Variants in NRXN3 observed in about 807,000 individuals in gnomAD.
NRXN3 encodes neurexin 3.
A neutral mutation model predicts 137.6 loss-of-function variants in NRXN3; 32 were observed. That is an observed-to-expected ratio of 0.23 (90% CI 0.18 to 0.31). The LOEUF (loss-of-function observed/expected upper bound fraction) is 0.31. Ranked by LOEUF, NRXN3 falls within the 10% of genes least tolerant of loss-of-function variation. The pLI is 1.00. For synonymous variants in NRXN3, 798 were observed against 784.5 expected, an observed-to-expected ratio of 1.02 and a Z score of -0.29; for missense variants, 1,574 against 2,062.5, an observed-to-expected ratio of 0.76 and a Z score of 4.59.
chr14:79,583,525 G>GGAAGCCCCTACA (rs2097736898), intron 16 of NRXN3, among the ~76,000 whole-genome samples: 1 of 151,944 alleles, frequency 6.6e-6, no homozygotes, highest in African/African-American at 2.4e-5. Flanking sequence ...AAGGTAAGAA[G>GGAAGCCCCTACA]TGTGCTTTTG....
chr14:79,824,695 C>T (rs187684838), intron 20 of NRXN3, among the ~76,000 whole-genome samples: 19 of 152,224 alleles, frequency 1.2e-4, no homozygotes, highest in Admixed American at 5.9e-4. Flanking sequence ...GATTTCCTCA[C>T]GTATATTTAA....
rs373108926 is a variant in NRXN3, at chr14:79,518,617, C to A, written c.3444+51215C>A. On this transcript the variant is annotated intron_variant, in intron 16 of 20. Coordinates refer to ENST00000335750, the MANE Select transcript of NRXN3 (RefSeq NM_001330195.2). ...TAATAGTAATCATTTTCAGTTGTTT[C>A]TTCTGAGAACTCCAGGTGCTCAGTC... 1.2e-4 allele frequency among the ~76,000 whole-genome samples: 18 copies of A among 152,198 alleles called. No individual in the cohort carries two copies. The East Asian group carries it at 1.5e-3, about 13-fold the overall frequency.
intron 4 of NRXN3, among the ~76,000 whole-genome samples, chr14:78,568,297 A>C (rs1173747245): frequency 6.6e-6 from 1 of 152,138 alleles, no homozygotes; most frequent in African/African-American, 2.4e-5. Context: ...GAGCTTGTTC[A>C]CCCCTTCCAC....
intron 20 of NRXN3, among the ~76,000 whole-genome samples, chr14:79,823,489 T>C (rs1367010014): frequency 6.6e-6 from 1 of 152,074 alleles, no homozygotes; most frequent in African/African-American, 2.4e-5. Flanking sequence ...GGTGGGAGGA[T>C]TGCTTGAGCC....
chr14:79,016,322 T>A (rs1392710510), intron 15 of NRXN3, among the ~76,000 whole-genome samples: 1 of 152,182 alleles, frequency 6.6e-6, no homozygotes, highest in Non-Finnish European at 1.5e-5. Flanking sequence ...AAATCTCCCT[T>A]AAGTCTTAGG....
At chr14:79,436,384 A>G (rs1320512323) in intron 15 of NRXN3, among the ~76,000 whole-genome samples, 1 of 152,190 alleles carries the variant, frequency 6.6e-6, no homozygotes, top group Non-Finnish European at 1.5e-5. Flanking sequence ...TCAGCAGTCC[A>G]CAATGACATA....
intron 4 of NRXN3, among the ~76,000 whole-genome samples, chr14:78,597,511 A>G (rs1287434754): frequency 2.0e-5 from 3 of 152,160 alleles, no homozygotes; most frequent in Non-Finnish European, 4.4e-5. Flanking sequence ...TTCATGGGGT[A>G]CAGGAAAGAA....
At position 79,773,009 on chromosome 14, in the gene NRXN3, C is replaced by CA. The variant is rs941136200; in HGVS notation, c.4015-32097dup. On this transcript the variant is annotated intron_variant, in intron 19 of 20. Coordinates refer to ENST00000335750, the MANE Select transcript of NRXN3 (RefSeq NM_001330195.2). ...TCTCAAAAGAAGACATTTATGCAGCCAAAAAACACATGAAAAAATGCTCAC... is the reference window on the plus strand; with the variant it reads ...TCTCAAAAGAAGACATTTATGCAGCCAAAAAAACACATGAAAAAATGCTCAC... 3.3e-5 allele frequency among the ~76,000 whole-genome samples: 5 copies of CA among 151,898 alleles called. No homozygotes were observed. In the East Asian group the frequency reaches 7.7e-4, roughly 23 times the overall value.
chr14:79,565,311 A>G (rs930725266), intron 16 of NRXN3, among the ~76,000 whole-genome samples: 2 of 127,106 alleles, frequency 1.6e-5, no homozygotes, highest in Admixed American at 8.0e-5. Context: ...ATACATATAC[A>G]CACACATGTG....
intron 5 of NRXN3, 87 bp from the exon 6 acceptor site, chr14:78,651,078 A>G (rs771173017): frequency 2.5e-6 from 3 of 1,214,016 alleles, no homozygotes; most frequent in African/African-American, 1.5e-5. Flanking sequence ...AATGAAAGTG[A>G]TGCCACAAGT....
rs537656967 is a variant in NRXN3, at chr14:79,280,631, T to A, written c.3263-186590T>A. 4.6e-4 allele frequency: 561 copies of A among 1,229,976 alleles called. 4 individuals carry two copies. The highest frequency in any genetic ancestry group is 4.5e-3 in the African/African-American group (299 of 66,106). The allele number at this position is 1,229,976 out of a possible 1,614,324, so 76.2% of individuals were successfully genotyped here. ...TAGTGTCAAAGGTGGGAAGGGAATT[T>A]AAAAAAAATGAATTTAAAATGATGA... On this transcript the variant is annotated intron_variant, in intron 15 of 20. Transcript: ENST00000335750.
intron 19 of NRXN3, among the ~76,000 whole-genome samples, chr14:79,786,135 C>T (rs1319719585): frequency 1.3e-5 from 2 of 152,154 alleles, no homozygotes; most frequent in African/African-American, 4.8e-5. Context: ...TTATATTACC[C>T]TTGCTAGTAT....
intron 16 of NRXN3, among the ~76,000 whole-genome samples, chr14:79,640,060 G>A (rs1391571987): frequency 1.5e-5 from 2 of 135,850 alleles, no homozygotes; most frequent in East Asian, 2.0e-4. Flanking sequence ...GGAGTAGAAA[G>A]CAAAGAGCAA....
chr14:79,459,980 G>A (rs1333623583), intron 15 of NRXN3, among the ~76,000 whole-genome samples: 2 of 152,008 alleles, frequency 1.3e-5, no homozygotes, highest in Non-Finnish European at 2.9e-5. Flanking sequence ...AATTTGATGA[G>A]TAAAAATGAC....
intron 15 of NRXN3, among the ~76,000 whole-genome samples, chr14:79,360,643 TTTTA>T (rs1428608052): frequency 1.3e-5 from 2 of 152,156 alleles, no homozygotes; most frequent in Admixed American, 6.5e-5. Flanking sequence ...CTCATGGAGT[TTTTA>T]TTTATTTATT....
chr14:79,686,964 C>T (rs190774950), intron 17 of NRXN3, among the ~76,000 whole-genome samples: 1 of 152,310 alleles, frequency 6.6e-6, no homozygotes, highest in East Asian at 1.9e-4. Flanking sequence ...ACTTAAAAAG[C>T]TCCCTTACTT....
chr14:79,074,143 A>T (rs1392756623), intron 15 of NRXN3, among the ~76,000 whole-genome samples: 2 of 152,196 alleles, frequency 1.3e-5, no homozygotes. Flanking sequence ...CTTAAATTGG[A>T]GTGGTACAAA....
At chr14:79,363,592 C>G (rs927598382) in intron 15 of NRXN3, among the ~76,000 whole-genome samples, 6 of 124,716 alleles carry the variant, frequency 4.8e-5, no homozygotes, top group Admixed American at 2.7e-4. Context: ...GCTCCTTCTA[C>G]TTTCTTAAGA....
chr14:79,768,256 T>C (rs1262980651), intron 19 of NRXN3, among the ~76,000 whole-genome samples: 5 of 152,198 alleles, frequency 3.3e-5, no homozygotes, highest in African/African-American at 4.8e-5. Context: ...AAGCTCCAAC[T>C]GGGTGGAGCC....
Sources: allele counts gnomAD v4.1 joint callset (sites outside exome capture counted in the v4.1 genomes callset), GRCh38; gene constraint gnomAD v4.1.1; transcripts MANE v1.5; gene names NCBI Gene and HGNC (gene_info 2026-07-23, HGNC 2026-07-21).